The following SYNE2 variants were observed in gnomAD, a reference collection of about 807,000 sequenced individuals.
The protein encoded by SYNE2 is nesprin-2.
Under a neutral mutation model 856.3 loss-of-function variants are expected in SYNE2, and 431 were observed. That is an observed-to-expected ratio of 0.50 (90% CI 0.47 to 0.55). The LOEUF (loss-of-function observed/expected upper bound fraction) is 0.55. Ranked by LOEUF, SYNE2 falls within the 20% of genes least tolerant of loss-of-function variation. The pLI, the probability that SYNE2 is intolerant of heterozygous loss-of-function variation, is 0.00. For missense variants in SYNE2, 8,129 were observed against 8,023.2 expected, an observed-to-expected ratio of 1.01 and a Z score of -0.50; for synonymous variants, 2,923 against 2,872.3, an observed-to-expected ratio of 1.02 and a Z score of -0.56.
intron 1 of SYNE2, among the ~76,000 whole-genome samples, chr14:63,796,941 T>C (rs1887936190): frequency 6.6e-6 from 1 of 151,582 alleles, no homozygotes; most frequent in Admixed American, 6.6e-5. Context: ...TAGCCGGGTG[T>C]GGTGGCGTGC....
chr14:64,000,466 G>C lies in SYNE2; in HGVS notation c.3481-96G>C, dbSNP rs1594775108. ...CATTTACATATGAAACATTGTGTTT[G>C]CTTCCACAGTTGGTGAATGTCTCAT... On this transcript the variant is annotated intron_variant, in intron 27 of 115. Coordinates refer to ENST00000555002, the MANE Select transcript of SYNE2 (RefSeq NM_182914.3). 1.1e-5 allele frequency: 12 copies of C among 1,125,220 alleles called. No individual in the cohort carries two copies. In the East Asian group the frequency reaches 2.9e-4, roughly 27 times the overall value. 69.7% of individuals were successfully genotyped at this position (1,125,220 alleles called of 1,614,324 possible).
chr14:63,947,336 T>C lies in SYNE2; in HGVS notation c.409-2489T>C, dbSNP rs575630976. Among the ~76,000 whole-genome samples, 287 of 152,322 alleles carry C rather than the reference T, an allele frequency of 1.9e-3. 2 individuals are homozygous for C. The highest frequency in any genetic ancestry group is 6.7e-3 in the African/African-American group (279 of 41,572). ...GATGTGGCTAGTATGGCAGAGGAAA[T>C]AAATTATTCAATTAATTTGAATTTA... On this transcript the variant is annotated intron_variant, in intron 6 of 115. Transcript: ENST00000555002.
chr14:64,043,811 A>G (rs2097166659), intron 45 of SYNE2, among the ~76,000 whole-genome samples: 1 of 152,236 alleles, frequency 6.6e-6, no homozygotes, highest in African/African-American at 2.4e-5. Flanking sequence ...AACCTCTGCT[A>G]AGGCAGTGCA....
At chr14:63,924,842 T>TTTTTTTTG (rs2095643607) in intron 2 of SYNE2, among the ~76,000 whole-genome samples, 1 of 100,610 alleles carries the variant, frequency 9.9e-6, no homozygotes, top group Non-Finnish European at 2.1e-5. Flanking sequence ...GTGTTTTTTT[T>TTTTTTTTG]TTTTTTTTTT....
chr14:64,217,023 A>G (rs935714943), intron 108 of SYNE2, among the ~76,000 whole-genome samples: 4 of 152,080 alleles, frequency 2.6e-5, no homozygotes, highest in African/African-American at 7.2e-5. Context: ...ACTGCATCCA[A>G]CCTTCAAGCC....
At position 64,031,236 on chromosome 14, in the gene SYNE2, C is replaced by G; in HGVS notation, c.7100C>G (p.Thr2367Arg). The change falls in exon 45 of 116, where the codon ACA becomes AGA. Residue 2367 changes from threonine (T) to arginine (R), a missense_variant. Thr to Arg is a moderately conservative substitution (Grantham distance 71). Coordinates refer to ENST00000555002, the MANE Select transcript of SYNE2 (RefSeq NM_182914.3). Reference sequence around the variant, plus strand: ...AGCATTCTCAAATCAAAACGCTCAACAGAAAAGAAAGGAAAGTTTACTCTG... The same window carrying G: ...AGCATTCTCAAATCAAAACGCTCAAGAGAAAAGAAAGGAAAGTTTACTCTG... ...LNSILKSKRS[T>R]EKKGKFTLPG... 3 of 1,614,096 alleles carry G rather than the reference C, an allele frequency of 1.9e-6. No individual in the cohort carries two copies. Among genetic ancestry groups the G allele is most frequent in the Non-Finnish European group, 1.7e-6 (2 of 1,180,004 alleles).
At chr14:64,114,703 G>A (rs1350053834) in intron 66 of SYNE2, among the ~76,000 whole-genome samples, 2 of 150,628 alleles carry the variant, frequency 1.3e-5, no homozygotes, top group Non-Finnish European at 2.9e-5. Context: ...TTGCAGCCTC[G>A]ACTTCCTGGG....
chr14:64,109,372 A>C (rs2097790960), intron 65 of SYNE2, among the ~76,000 whole-genome samples: 1 of 152,036 alleles, frequency 6.6e-6, no homozygotes, highest in African/African-American at 2.4e-5. Flanking sequence ...TATCTCTTTT[A>C]ATCATTAACA....
At chr14:64,043,843 G>A (rs2097166854) in intron 45 of SYNE2, among the ~76,000 whole-genome samples, 1 of 152,228 alleles carries the variant, frequency 6.6e-6, no homozygotes. Context: ...TGGGATCAGA[G>A]CCCCCACACA....
chr14:64,176,202 C>T (rs1236086400), intron 95 of SYNE2, among the ~76,000 whole-genome samples: 2 of 152,002 alleles, frequency 1.3e-5, no homozygotes, highest in Admixed American at 6.6e-5. Flanking sequence ...CCTAATGAAT[C>T]GAATATAAAT....
chr14:63,787,047 G>A (rs994388582), intron 1 of SYNE2, among the ~76,000 whole-genome samples: 3 of 152,182 alleles, frequency 2.0e-5, no homozygotes, highest in African/African-American at 7.2e-5. Flanking sequence ...ACAGGCATGA[G>A]CTACTGTGCC....
intron 1 of SYNE2, among the ~76,000 whole-genome samples, chr14:63,839,054 G>A (rs1393783759): frequency 6.6e-6 from 1 of 150,710 alleles, no homozygotes. Context: ...TTTTTTAGAC[G>A]GGGTCTCATT....
chr14:64,169,759 C>G (rs988263333), intron 93 of SYNE2, among the ~76,000 whole-genome samples: 1 of 152,132 alleles, frequency 6.6e-6, no homozygotes, highest in Non-Finnish European at 1.5e-5. Flanking sequence ...AAACAAGAGG[C>G]CTTATTTCTC....
At chr14:63,812,799 A>C (rs1156724765) in intron 1 of SYNE2, among the ~76,000 whole-genome samples, 1 of 152,204 alleles carries the variant, frequency 6.6e-6, no homozygotes, top group Non-Finnish European at 1.5e-5. Context: ...AGCCCCTTAG[A>C]AAAACTAGCT....
At chr14:64,085,320 T>G (rs1381483133) in intron 57 of SYNE2, among the ~76,000 whole-genome samples, 1 of 152,172 alleles carries the variant, frequency 6.6e-6, no homozygotes, top group Non-Finnish European at 1.5e-5. Flanking sequence ...GGAAGTGACA[T>G]CTCATCATTT....
intron 93 of SYNE2, among the ~76,000 whole-genome samples, chr14:64,169,871 A>G (rs1199737469): frequency 6.6e-6 from 1 of 152,224 alleles, no homozygotes; most frequent in Non-Finnish European, 1.5e-5. Flanking sequence ...AGTAATCCAT[A>G]GTGTTACAAA....
chr14:64,222,828 A>G (rs1483682385), intron 112 of SYNE2, among the ~76,000 whole-genome samples: 8 of 152,092 alleles, frequency 5.3e-5, no homozygotes, highest in South Asian at 4.2e-4. Flanking sequence ...ATGAACCTCT[A>G]TGGTTACGCT....
intron 1 of SYNE2, chr14:63,762,076 C>A: frequency 4.1e-6 from 2 of 483,232 alleles, no homozygotes; most frequent in Admixed American, 2.3e-5. Flanking sequence ...TTTGACTGTA[C>A]AATTTGTTCA....
intron 43 of SYNE2, among the ~76,000 whole-genome samples, 153 bp from the exon 44 acceptor site, chr14:64,029,742 C>G (rs961698218): frequency 1.6e-4 from 24 of 152,282 alleles, no homozygotes; most frequent in African/African-American, 5.8e-4. Context: ...TGAAATATCT[C>G]CAACTCTAAA....
Sources: gnomAD v4.1 joint callset for allele counts (sites outside exome capture counted in the v4.1 genomes callset) on GRCh38, gnomAD v4.1.1 for gene constraint, MANE v1.5 for transcripts, NCBI Gene and HGNC (gene_info 2026-07-23, HGNC 2026-07-21) for gene names.